PHACTR1: variants seen among roughly 807,000 people sequenced by gnomAD.
The protein encoded by PHACTR1 is RPEL repeat containing 1.
PHACTR1 carries 16 observed loss-of-function variants against 69.2 expected under a neutral mutation model. The ratio of observed to expected loss-of-function variants is 0.23; its 90% CI spans 0.16 to 0.35. The LOEUF (loss-of-function observed/expected upper bound fraction) is 0.35. Ranked by LOEUF, PHACTR1 falls within the 10% of genes least tolerant of loss-of-function variation. PHACTR1 has a pLI of 1.00. For missense variants in PHACTR1, 510 were observed against 734.7 expected (o/e 0.69, Z 3.54); for synonymous variants, 312 against 284.5 (o/e 1.10, Z -0.97).
rs112759034 is a variant in PHACTR1, at chr6:13,278,808, C to T, written c.1509+479C>T. Reference sequence around the variant, plus strand: ...TGCTGTCTTTGTCAAAGTAAATATACAAAAACTAGCTGTGCATGGTGATGT... The same window carrying T: ...TGCTGTCTTTGTCAAAGTAAATATATAAAAACTAGCTGTGCATGGTGATGT... On this transcript the variant is annotated intron_variant, in intron 12 of 14. Coordinates refer to ENST00000332995, the MANE Select transcript of PHACTR1 (RefSeq NM_030948.6). 2.4e-3 allele frequency among the ~76,000 whole-genome samples: 368 copies of T among 151,960 alleles called. 1 individual carries two copies. Among genetic ancestry groups the T allele is most frequent in the African/African-American group, 8.3e-3 (342 of 41,440 alleles).
At chr6:13,032,737 T>C (rs1802635023) in intron 4 of PHACTR1, among the ~76,000 whole-genome samples, 1 of 152,028 alleles carries the variant, frequency 6.6e-6, no homozygotes, top group South Asian at 2.1e-4. Context: ...CGCCTCGGCC[T>C]CACGAGGACT....
intron 8 of PHACTR1, among the ~76,000 whole-genome samples, chr6:13,211,808 G>C (rs144234684): frequency 1.3e-3 from 202 of 152,246 alleles, no homozygotes; most frequent in African/African-American, 4.7e-3. Context: ...CTGTTCTTCT[G>C]TGTCCACACC....
At chr6:13,165,531 C>T (rs1759671161) in intron 6 of PHACTR1, among the ~76,000 whole-genome samples, 1 of 152,152 alleles carries the variant, frequency 6.6e-6, no homozygotes, top group Admixed American at 6.5e-5. Context: ...CAGAGTTTAC[C>T]TTCTACTCAG....
At chr6:12,862,504 G>C (rs906572528) in intron 4 of PHACTR1, among the ~76,000 whole-genome samples, 1 of 152,108 alleles carries the variant, frequency 6.6e-6, no homozygotes, top group Non-Finnish European at 1.5e-5. Context: ...TTATCACAGA[G>C]ATACTTACTG....
chr6:12,921,482 A>G (rs111395058), intron 4 of PHACTR1, among the ~76,000 whole-genome samples: 7 of 134,772 alleles, frequency 5.2e-5, no homozygotes, highest in East Asian at 2.7e-4. Context: ...GAAGGAAGGA[A>G]GGAGGGAAGG....
At chr6:12,848,686 G>T (rs993781906) in intron 4 of PHACTR1, among the ~76,000 whole-genome samples, 2 of 152,148 alleles carry the variant, frequency 1.3e-5, no homozygotes, top group East Asian at 1.9e-4. Context: ...ATAAGACTTG[G>T]GAACTTGAGC....
chr6:12,987,394 G>A (rs536222551), intron 4 of PHACTR1, among the ~76,000 whole-genome samples: 1 of 152,260 alleles, frequency 6.6e-6, no homozygotes, highest in South Asian at 2.1e-4. Context: ...TGAGATGAGA[G>A]CTCAACTTGG....
intron 6 of PHACTR1, among the ~76,000 whole-genome samples, chr6:13,165,943 A>G (rs1307509175): frequency 6.6e-6 from 1 of 152,216 alleles, no homozygotes; most frequent in Non-Finnish European, 1.5e-5. Flanking sequence ...CAGTGGCTCC[A>G]CATTTCACTC....
chr6:13,004,603 T>C (rs911644072), intron 4 of PHACTR1, among the ~76,000 whole-genome samples: 1 of 152,228 alleles, frequency 6.6e-6, no homozygotes, highest in African/African-American at 2.4e-5. Flanking sequence ...GCAGGTTTGT[T>C]ACATAGGTAT....
intron 4 of PHACTR1, among the ~76,000 whole-genome samples, chr6:12,951,404 C>T (rs1791277875): frequency 1.3e-5 from 2 of 152,196 alleles, no homozygotes; most frequent in African/African-American, 4.8e-5. Flanking sequence ...CTTAGTTAGT[C>T]AGCCAGGGAT....
chr6:12,875,708 G>A (rs939782750), intron 4 of PHACTR1, among the ~76,000 whole-genome samples: 3 of 152,190 alleles, frequency 2.0e-5, no homozygotes, highest in African/African-American at 7.2e-5. Flanking sequence ...CCCAGGCAGC[G>A]CTGAAGATTT....
chr6:13,059,106 TTCCATTTTGAC>T (rs1321528928), intron 5 of PHACTR1, among the ~76,000 whole-genome samples: 2 of 152,136 alleles, frequency 1.3e-5, no homozygotes, highest in Non-Finnish European at 2.9e-5. Flanking sequence ...GCATGGAATG[TTCCATTTTGAC>T]ATTTGGGGGC....
At chr6:13,228,194 A>G (rs1770134154) in intron 9 of PHACTR1, 131 bp downstream of exon 9, 1 of 1,174,224 alleles carries the variant, frequency 8.5e-7, no homozygotes, top group Non-Finnish European at 1.2e-6. Context: ...CCTGGGTCGT[A>G]GGGCAGCTTA....
intron 4 of PHACTR1, among the ~76,000 whole-genome samples, chr6:12,771,171 A>C (rs1769334656): frequency 1.3e-5 from 2 of 152,192 alleles, no homozygotes; most frequent in African/African-American, 2.4e-5. Context: ...ATATTTGGCA[A>C]GACATGATAA....
At chr6:12,881,098 G>A (rs909339625) in intron 4 of PHACTR1, among the ~76,000 whole-genome samples, 6 of 152,238 alleles carry the variant, frequency 3.9e-5, no homozygotes, top group African/African-American at 1.4e-4. Flanking sequence ...AATAGCGTAA[G>A]TTTGCAACAA....
At chr6:12,821,668 A>T (rs1361517224) in intron 4 of PHACTR1, among the ~76,000 whole-genome samples, 1 of 152,148 alleles carries the variant, frequency 6.6e-6, no homozygotes, top group Non-Finnish European at 1.5e-5. Context: ...TTGGGAAAAA[A>T]ATCAAGGTTT....
intron 8 of PHACTR1, among the ~76,000 whole-genome samples, chr6:13,220,555 T>C (rs569293186): frequency 2.0e-5 from 3 of 152,232 alleles, no homozygotes; most frequent in African/African-American, 7.2e-5. Flanking sequence ...TATCATAAGC[T>C]CTCTCTGTTA....
intron 4 of PHACTR1, among the ~76,000 whole-genome samples, chr6:12,923,827 A>G (rs1290163491): frequency 6.6e-6 from 1 of 152,234 alleles, no homozygotes; most frequent in African/African-American, 2.4e-5. Flanking sequence ...GATAGGCCTG[A>G]AGAGGCAGTA....
At chr6:12,886,522 T>C (rs1783659325) in intron 4 of PHACTR1, among the ~76,000 whole-genome samples, 1 of 151,154 alleles carries the variant, frequency 6.6e-6, no homozygotes, top group African/African-American at 2.5e-5. Flanking sequence ...GAAGAGTTAA[T>C]TGAGACAAGT....
Sources: gnomAD v4.1 joint callset for allele counts (sites outside exome capture counted in the v4.1 genomes callset) on GRCh38, gnomAD v4.1.1 for gene constraint, MANE v1.5 for transcripts, NCBI Gene and HGNC (gene_info 2026-07-23, HGNC 2026-07-21) for gene names.